Variants in OPRM1 observed in about 807,000 individuals in gnomAD.
The protein encoded by OPRM1 is mu-type opioid receptor.
Under a neutral mutation model 31.8 loss-of-function variants are expected in OPRM1, and 27 were observed. The ratio of observed to expected loss-of-function variants is 0.85; its 90% CI spans 0.63 to 1.17. The LOEUF is 1.17. OPRM1 is among the 50% of genes most tolerant of loss of function. The probability of loss-of-function intolerance (pLI) is 0.00; values close to 1 mark genes in which losing one functional copy is unlikely to be tolerated. For synonymous variants in OPRM1, 196 were observed against 189.9 expected, an observed-to-expected ratio of 1.03 and a Z score of -0.26; for missense variants, 536 against 511.1, an observed-to-expected ratio of 1.05 and a Z score of -0.47.
intron 3 of OPRM1, among the ~76,000 whole-genome samples, chr6:154,166,797 C>T (rs540790178): frequency 1.7e-4 from 26 of 152,280 alleles, no homozygotes; most frequent in East Asian, 5.8e-4. Flanking sequence ...AATCCCAACA[C>T]GCTATGACAT....
intron 3 of OPRM1, among the ~76,000 whole-genome samples, chr6:154,190,464 C>T (rs1583751960): frequency 6.6e-6 from 1 of 152,286 alleles, no homozygotes; most frequent in East Asian, 1.9e-4. Context: ...TAAAATGTTA[C>T]TACCCACCTA....
intron 3 of OPRM1, among the ~76,000 whole-genome samples, chr6:154,138,264 G>A (rs533693532): frequency 3.5e-4 from 53 of 151,606 alleles, no homozygotes; most frequent in East Asian, 1.3e-3. Flanking sequence ...AAAAAGTCAC[G>A]CAGTTTTTTA....
At chr6:154,035,227 G>A (rs1000934019), upstream of OPRM1, among the ~76,000 whole-genome samples, 2 of 151,904 alleles carry the variant, frequency 1.3e-5, no homozygotes, top group Non-Finnish European at 2.9e-5. Flanking sequence ...TCAAAAGTCC[G>A]GGGCTTTCAT....
At chr6:154,246,236 A>T (rs75435774) in intron 3 of OPRM1, among the ~76,000 whole-genome samples, 1,849 of 152,304 alleles carry the variant, frequency 0.012, 35 homozygotes, top group African/African-American at 0.043. Flanking sequence ...GACCTTAACT[A>T]TGTAAAGGTG....
chr6:154,065,219 G>A (rs138521937), intron 1 of OPRM1, among the ~76,000 whole-genome samples: 271 of 148,162 alleles, frequency 1.8e-3, no homozygotes, highest in African/African-American at 6.4e-3. Flanking sequence ...GCACGATCTC[G>A]GCTCACTGCA....
intron 3 of OPRM1, among the ~76,000 whole-genome samples, chr6:154,182,534 G>C (rs1472742089): frequency 6.6e-6 from 1 of 151,908 alleles, no homozygotes; most frequent in Non-Finnish European, 1.5e-5. Flanking sequence ...CCAGGATTAG[G>C]CAAGATATTT....
At position 154,118,593 on chromosome 6, in the gene OPRM1, T is replaced by C. The variant is rs975807903; in HGVS notation, c.1165-90T>C. ...TGAAAGTATACATGAAGGTCTTCAA[T>C]GCAGTTCTTACGAGCAGAAGATGCT... On this transcript the variant is annotated intron_variant, in intron 3 of 3. Transcript: ENST00000330432. 69 of 1,251,774 alleles carry C rather than the reference T, an allele frequency of 5.5e-5. No homozygotes were observed. In the East Asian group the frequency reaches 1.5e-3, roughly 28 times the overall value. The allele number at this position is 1,251,774 out of a possible 1,614,324, so 77.5% of individuals were successfully genotyped here.
chr6:154,086,195 C>G (rs1159965947), intron 1 of OPRM1, among the ~76,000 whole-genome samples: 1 of 152,150 alleles, frequency 6.6e-6, no homozygotes, highest in East Asian at 1.9e-4. Context: ...TGGGTATATG[C>G]TGGAGGCAAT....
chr6:154,099,524 A>C, intron 3 of OPRM1, among the ~76,000 whole-genome samples: 1 of 151,124 alleles, frequency 6.6e-6, no homozygotes, highest in East Asian at 1.9e-4. Context: ...AGAATGAGAG[A>C]AAGAGGAAAG....
chr6:154,190,287 T>C (rs1482148173), intron 3 of OPRM1, among the ~76,000 whole-genome samples: 1 of 151,618 alleles, frequency 6.6e-6, no homozygotes, highest in Non-Finnish European at 1.5e-5. Context: ...ATGGAAAAAA[T>C]AGGCAAAAGA....
rs1562510681 is a variant in OPRM1 at position 154,152,340 on chromosome 6, A to AAAAGAAAAGG, written c.1164+60870_1164+60871insAGAAAAGGAA. On this transcript the variant is annotated intron_variant, in intron 3 of 3. Coordinates refer to the OPRM1 transcript ENST00000337049. ...GAAAGAAAGAAAGAAAGAAAGAAAG[A>AAAAGAAAAGG]AAGAAAGGAAAGAAAGAAAGAAAGA... Among the ~76,000 whole-genome samples, 23 of 9,838 alleles carry AAAAGAAAAGG rather than the reference A, an allele frequency of 2.3e-3. No homozygotes were observed. In the East Asian group the frequency reaches 0.17, roughly 71 times the overall value. 6.5% of individuals were successfully genotyped at this position (9,838 alleles called of 152,430 possible).
intron 3 of OPRM1, among the ~76,000 whole-genome samples, chr6:154,095,866 C>G (rs1793287292): frequency 6.6e-6 from 1 of 152,156 alleles, no homozygotes; most frequent in Non-Finnish European, 1.5e-5. Flanking sequence ...TTTCTCCACA[C>G]ACGCCCTACA....
At chr6:154,073,064 A>G (rs17174743) in intron 1 of OPRM1, among the ~76,000 whole-genome samples, 2,013 of 152,342 alleles carry the variant, frequency 0.013, 51 homozygotes, top group African/African-American at 0.047. Flanking sequence ...TGGAACTGAG[A>G]GAAATCAAAG....
intron 3 of OPRM1, among the ~76,000 whole-genome samples, chr6:154,207,838 AT>A (rs1279028211): frequency 6.6e-6 from 1 of 152,248 alleles, no homozygotes; most frequent in African/African-American, 2.4e-5. Context: ...AATAATCTGC[AT>A]AAGCTTCTAG....
intron 3 of OPRM1, among the ~76,000 whole-genome samples, chr6:154,138,322 G>C (rs865873940): frequency 5.9e-5 from 9 of 151,996 alleles, no homozygotes; most frequent in Non-Finnish European, 1.0e-4. Flanking sequence ...TTCATACAGA[G>C]GTTATTCTAG....
At chr6:154,160,887 G>GC (rs1276215068) in intron 3 of OPRM1, among the ~76,000 whole-genome samples, 1 of 152,116 alleles carries the variant, frequency 6.6e-6, no homozygotes, top group African/African-American at 2.4e-5. Flanking sequence ...CGAGACCACT[G>GC]CCTCCAATGC....
intron 3 of OPRM1, among the ~76,000 whole-genome samples, chr6:154,211,362 T>C (rs1435383014): frequency 1.3e-5 from 2 of 151,710 alleles, no homozygotes; most frequent in Non-Finnish European, 2.9e-5. Context: ...TGAGCCAAGA[T>C]TGTGCCACTG....
At chr6:154,136,632 C>T (rs1389617724), downstream of OPRM1, among the ~76,000 whole-genome samples, 1 of 152,182 alleles carries the variant, frequency 6.6e-6, no homozygotes, top group Non-Finnish European at 1.5e-5. Context: ...TGCACTGGCG[C>T]AGCATCCCCA....
At chr6:154,198,454 A>T (rs559478466) in intron 3 of OPRM1, among the ~76,000 whole-genome samples, 1 of 152,232 alleles carries the variant, frequency 6.6e-6, no homozygotes, top group Admixed American at 6.5e-5. Flanking sequence ...AGTTCTTCTA[A>T]TCTAGATAGT....
Sources: gnomAD v4.1 joint callset for allele counts (sites outside exome capture counted in the v4.1 genomes callset) on GRCh38, gnomAD v4.1.1 for gene constraint, MANE v1.5 for transcripts, NCBI Gene and HGNC (gene_info 2026-07-23, HGNC 2026-07-21) for gene names.